The following MLXIPL variants were observed in gnomAD, a reference collection of about 807,000 sequenced individuals.
MLXIPL encodes the protein MLX interacting protein like.
MLXIPL carries 49 observed loss-of-function variants against 81.5 expected under a neutral mutation model. The ratio of observed to expected loss-of-function variants is 0.60; its 90% CI spans 0.48 to 0.76. The LOEUF is 0.76. Among genes scored for constraint, MLXIPL ranks in the 30% least tolerant of loss-of-function variants. MLXIPL has a pLI of 0.00. For synonymous variants in MLXIPL, 466 were observed against 485.5 expected, an observed-to-expected ratio of 0.96 and a Z score of 0.53; for missense variants, 1,053 against 1,167.0, an observed-to-expected ratio of 0.90 and a Z score of 1.42.
At chr7:73,616,023 G>A (rs1041347644) in intron 2 of MLXIPL, 48 bp downstream of exon 2, 4 of 1,509,614 alleles carry the variant, frequency 2.6e-6, no homozygotes, top group South Asian at 2.3e-5. Context: ...CAGGAGGGTT[G>A]GAGGGGGCAG....
intron 1 of MLXIPL, among the ~76,000 whole-genome samples, chr7:73,620,599 C>T (rs71556736): frequency 0.12 from 17,068 of 140,902 alleles, 1,033 homozygotes; most frequent in Middle Eastern, 0.19. Context: ...AAAAAAAAGC[C>T]GGATGTGGTG....
chr7:73,627,566 C>T (rs906858410), upstream of MLXIPL, among the ~76,000 whole-genome samples: 6 of 152,160 alleles, frequency 3.9e-5, no homozygotes, highest in Admixed American at 2.0e-4. Flanking sequence ...GGCAGTTAAC[C>T]GTCTTTTGAG....
intron 7 of MLXIPL, among the ~76,000 whole-genome samples, chr7:73,601,066 AC>A (rs1295332739): frequency 2.1e-5 from 3 of 140,724 alleles, no homozygotes; most frequent in Non-Finnish European, 4.6e-5. Context: ...TTTCCCTCCC[AC>A]CCCCCTGCCA....
chr7:73,606,239 C>A, intron 5 of MLXIPL, 128 bp from the exon 6 acceptor site: 1 of 960,332 alleles, frequency 1.0e-6, no homozygotes, highest in Admixed American at 2.0e-5. Flanking sequence ...TGTCACCTTT[C>A]CCTAGTGGAC....
intron 7 of MLXIPL, among the ~76,000 whole-genome samples, chr7:73,604,834 G>A (rs1333728084): frequency 2.0e-5 from 3 of 151,922 alleles, no homozygotes; most frequent in South Asian, 2.1e-4. Context: ...GCGCGATCTC[G>A]GCTCACTGCA....
the MLXIPL span, among the ~76,000 whole-genome samples, chr7:73,644,656 G>A: frequency 2.6e-5 from 4 of 152,054 alleles, no homozygotes; most frequent in South Asian, 2.1e-4. Context: ...CCCCCAGCCC[G>A]CCCTTTCTTC....
chr7:73,598,112 A>G (rs79919514), intron 8 of MLXIPL, among the ~76,000 whole-genome samples: 44 of 151,472 alleles, frequency 2.9e-4, no homozygotes, highest in African/African-American at 1.1e-3. Context: ...CAACCAACCT[A>G]CCATTCCTTC....
chr7:73,621,206 G>A (rs924158037), intron 1 of MLXIPL, among the ~76,000 whole-genome samples: 1 of 151,748 alleles, frequency 6.6e-6, no homozygotes, highest in Non-Finnish European at 1.5e-5. Flanking sequence ...GGTCCTGTTT[G>A]CTCCCCTGCA....
At chr7:73,624,117 G>T in intron 1 of MLXIPL, 83 bp downstream of exon 1, 1 of 1,459,446 alleles carries the variant, frequency 6.9e-7, no homozygotes, top group Non-Finnish European at 9.1e-7. Context: ...GGTGTTGAGG[G>T]CCCCAGCGCG....
upstream of MLXIPL, among the ~76,000 whole-genome samples, chr7:73,629,445 A>G (rs1796801247): frequency 6.6e-6 from 1 of 152,184 alleles, no homozygotes; most frequent in Non-Finnish European, 1.5e-5. Flanking sequence ...CTTGAGAGCA[A>G]GAATCACTGC....
upstream of MLXIPL, among the ~76,000 whole-genome samples, chr7:73,629,230 C>T (rs548173530): frequency 7.2e-4 from 109 of 152,032 alleles, no homozygotes; most frequent in African/African-American, 2.4e-3. Context: ...TTTGTAGAGA[C>T]GGGGTTTCAC....
Position 73,624,315 on chromosome 7 carries a change from C to G in MLXIPL, c.178G>C (p.Asp60His). 1 of 1,587,102 alleles carries G rather than the reference C, an allele frequency of 6.3e-7. No individual in the cohort carries two copies. The highest frequency in any genetic ancestry group is 8.6e-7 in the Non-Finnish European group (1 of 1,168,938). The stretch of plus-strand genomic sequence containing the variant: ...TGGTCGCGCCGCCGGGGCAGCGAGT[C>G]GCTGTGCGGCGACGACACCATGAAG... ...GHFMVSSPHSDSLPRRRDQEG... is the reference protein window; with the variant it reads ...GHFMVSSPHSHSLPRRRDQEG... The change falls in exon 1 of 17, where the codon GAC (aspartate) becomes CAC (histidine). Residue 60 changes from aspartate to histidine, a missense_variant. Physicochemically the swap from Asp to His is moderately conservative, Grantham distance 81. Transcript: ENST00000313375.
At chr7:73,635,375 A>T in the MLXIPL span, among the ~76,000 whole-genome samples, 2 of 152,110 alleles carry the variant, frequency 1.3e-5, no homozygotes, top group African/African-American at 4.8e-5. Flanking sequence ...CCAGCCATCC[A>T]TTCATCTGTC....
chr7:73,645,177 C>T, the MLXIPL span, among the ~76,000 whole-genome samples: 59 of 152,232 alleles, frequency 3.9e-4, no homozygotes, highest in African/African-American at 1.1e-3. Context: ...TATGCCTGTG[C>T]CACCACACCT....
In MLXIPL at chr7:73,595,731, C is replaced by T. The variant is rs782358720; in HGVS notation, c.2216G>A (p.Gly739Glu). 1.2e-6 allele frequency: 2 copies of T among 1,611,106 alleles called. No individual in the cohort carries two copies. Among genetic ancestry groups the T allele is most frequent in the South Asian group, 1.1e-5 (1 of 90,804 alleles). ...NLCQQQLPAT[G>E]VPITHQRFDQ... Reference sequence around the variant, plus strand: ...AAAACGCTGGTGTGTGATGGGTACCCCTGTGGCGGGCAGCTGCTGCTGGCA... The same window carrying T: ...AAAACGCTGGTGTGTGATGGGTACCTCTGTGGCGGGCAGCTGCTGCTGGCA... The change falls in exon 15 of 17, where the codon GGG becomes GAG. Residue 739 changes from glycine (G) to glutamate (E), a missense_variant. By Grantham distance (98) the Gly-to-Glu change is moderately conservative. Transcript: ENST00000313375.
At chr7:73,600,258 G>A (rs1237377025) in intron 7 of MLXIPL, among the ~76,000 whole-genome samples, 1 of 149,730 alleles carries the variant, frequency 6.7e-6, no homozygotes, top group Non-Finnish European at 1.5e-5. Flanking sequence ...AGAGTGTAAT[G>A]GGGCGAGAGG....
Position 73,595,923 on chromosome 7 carries a change from A to G in MLXIPL, c.2105T>C (p.Met702Thr), listed in dbSNP as rs781827815. Residue 702 changes from methionine to threonine, a missense_variant, in exon 14 of 17, where the codon ATG (methionine) becomes ACG (threonine). Met to Thr is a moderately conservative substitution (Grantham distance 81). Around this residue, in one of 3 missense-constraint regions of MLXIPL, gnomAD observed 823 missense variants for 933.0 expected, o/e 0.88. Transcript: ENST00000313375. ...CAAGCCCGCACGCTCCTGCTGTAGC[A>G]TAAGGATGTACTCAGCTGTCTTCTG... ...TLQKTAEYIL[M>T]LQQERAGLQE... is the part of the protein sequence containing the mutation. The G allele has an allele frequency of 3.7e-6, 6 of 1,613,360 alleles. No individual in the cohort carries two copies. Among genetic ancestry groups the G allele is most frequent in the South Asian group, 3.3e-5 (3 of 91,076 alleles).
In MLXIPL at chr7:73,595,768, C is replaced by A. The variant is rs1458746501; in HGVS notation, c.2187-8G>T. ...AGCTGCTGCTGGCACAGGCTGGGGG[C>A]AGGGCAGGGGTCAGGGGCTGGGGGT... On this transcript the variant is annotated splice_region_variant and splice_polypyrimidine_tract_variant and intron_variant, in intron 14 of 16. Transcript: ENST00000313375. 1.3e-6 allele frequency: 2 copies of A among 1,586,952 alleles called. No homozygotes were observed. The highest frequency in any genetic ancestry group is 1.7e-6 in the Non-Finnish European group (2 of 1,166,554).
intron 1 of MLXIPL, among the ~76,000 whole-genome samples, chr7:73,617,167 C>T (rs1277035758): frequency 6.6e-6 from 1 of 152,082 alleles, no homozygotes; most frequent in East Asian, 1.9e-4. Flanking sequence ...AGTTGTGCGC[C>T]ACCACGTTCA....
Sources: allele counts gnomAD v4.1 joint callset (sites outside exome capture counted in the v4.1 genomes callset), GRCh38; gene constraint gnomAD v4.1.1; regional missense constraint gnomAD v4.1.1; transcripts MANE v1.5; gene names NCBI Gene and HGNC (gene_info 2026-07-23, HGNC 2026-07-21).